Variants in TTLL5 observed in about 807,000 individuals in gnomAD.
TTLL5 encodes tubulin polyglutamylase TTLL5.
Under a neutral mutation model 168.4 loss-of-function variants are expected in TTLL5, and 132 were observed. That is an observed-to-expected ratio of 0.78 (90% CI 0.68 to 0.91). TTLL5 has a LOEUF of 0.91. Ranked by LOEUF, TTLL5 falls within the 40% of genes least tolerant of loss-of-function variation. The probability of loss-of-function intolerance (pLI) is 0.00; values close to 1 mark genes in which losing one functional copy is unlikely to be tolerated. For missense variants in TTLL5, 1,545 were observed against 1,581.5 expected (o/e 0.98, Z 0.39); for synonymous variants, 546 against 558.6 (o/e 0.98, Z 0.32).
At chr14:75,915,805 TCA>T (rs964364013) in intron 31 of TTLL5, among the ~76,000 whole-genome samples, 6 of 151,856 alleles carry the variant, frequency 4.0e-5, no homozygotes, top group African/African-American at 1.5e-4. Flanking sequence ...AGATACCACC[TCA>T]CACCTTTAGG....
intron 31 of TTLL5, among the ~76,000 whole-genome samples, chr14:75,936,643 AAG>A (rs2034442157): frequency 6.6e-6 from 1 of 152,132 alleles, no homozygotes; most frequent in Non-Finnish European, 1.5e-5. Flanking sequence ...ATAACTCCCT[AAG>A]AAGGACTGGG....
intron 18 of TTLL5, 59 bp from the exon 19 acceptor site, chr14:75,764,556 C>T (rs1001871218): frequency 1.3e-6 from 2 of 1,594,682 alleles, no homozygotes; most frequent in African/African-American, 2.7e-5. Context: ...GAAGCTTAGC[C>T]TTGGAATGAA....
chr14:75,853,009 C>T (rs768674492), intron 28 of TTLL5, among the ~76,000 whole-genome samples: 1 of 152,152 alleles, frequency 6.6e-6, no homozygotes, highest in African/African-American at 2.4e-5. Context: ...ATTCATTGAA[C>T]GCATTTCATA....
rs1279403996 is a variant in TTLL5 at position 75,932,081 on chromosome 14, T to C, written c.3824-22343T>C. On this transcript the variant is annotated intron_variant, in intron 31 of 31. Coordinates refer to ENST00000298832, the MANE Select transcript of TTLL5 (RefSeq NM_015072.5). ...TAAGGTTTAGCATTCACTGAATAAG[T>C]GGCTGTACAGTGGTAAGATCAGCTA... Among the ~76,000 whole-genome samples, 5 of 152,254 alleles carry C rather than the reference T, an allele frequency of 3.3e-5. No homozygotes were observed. In the East Asian group the frequency reaches 9.6e-4, roughly 29 times the overall value.
intron 2 of TTLL5, among the ~76,000 whole-genome samples, chr14:75,665,434 A>AT (rs1476978918): frequency 6.6e-6 from 1 of 152,196 alleles, no homozygotes; most frequent in African/African-American, 2.4e-5. Flanking sequence ...TGACTGAATG[A>AT]TTATTAGGAG....
chr14:75,726,181 T>C (rs933110872), intron 12 of TTLL5, among the ~76,000 whole-genome samples: 2 of 152,230 alleles, frequency 1.3e-5, no homozygotes, highest in Non-Finnish European at 2.9e-5. Context: ...ATTATTATTT[T>C]CTTGAGAAAA....
intron 17 of TTLL5, among the ~76,000 whole-genome samples, chr14:75,748,087 C>T (rs1487124622): frequency 6.6e-6 from 1 of 152,150 alleles, no homozygotes; most frequent in Non-Finnish European, 1.5e-5. Flanking sequence ...GGCAGTTGTA[C>T]TTCGTGTATT....
rs1440268069 is a variant in TTLL5 at position 75,720,545 on chromosome 14, A to G, written c.935-51A>G. On this transcript the variant is annotated intron_variant, in intron 11 of 31. Coordinates refer to ENST00000298832, the MANE Select transcript of TTLL5 (RefSeq NM_015072.5). ...TATTGTTATCTGGAATCCAGTTCATAATCCATGTATTTTGATATTGAGTCT... is the reference window on the plus strand; with the variant it reads ...TATTGTTATCTGGAATCCAGTTCATGATCCATGTATTTTGATATTGAGTCT... The G allele has an allele frequency of 4.6e-6, 6 of 1,291,144 alleles. No individual in the cohort carries two copies. The South Asian group carries it at 4.8e-5, about 10-fold the overall frequency. The allele number at this position is 1,291,144 out of a possible 1,614,324, so 80.0% of individuals were successfully genotyped here. A position where few individuals can be genotyped will look rare whatever the true frequency, so the allele number is the denominator to read the frequency against.
intron 21 of TTLL5, among the ~76,000 whole-genome samples, chr14:75,772,669 CTTTT>C (rs904209991): frequency 7.3e-6 from 1 of 136,862 alleles, no homozygotes. Context: ...CTTCCATATT[CTTTT>C]TTTTTTTTTT....
chr14:75,743,900 A>G (rs1889436979), intron 15 of TTLL5, among the ~76,000 whole-genome samples: 1 of 151,968 alleles, frequency 6.6e-6, no homozygotes, highest in Non-Finnish European at 1.5e-5. Context: ...TCTTATAAGG[A>G]CACTAATCCC....
At chr14:75,813,194 C>CTGTGTG (rs61154954) in intron 27 of TTLL5, among the ~76,000 whole-genome samples, 2,454 of 142,494 alleles carry the variant, frequency 0.017, 66 homozygotes, top group African/African-American at 0.054. Flanking sequence ...CTGGAACAAG[C>CTGTGTG]TGTGTGTGTG....
intron 31 of TTLL5, among the ~76,000 whole-genome samples, chr14:75,919,018 TG>T (rs1307593375): frequency 6.6e-6 from 1 of 151,328 alleles, no homozygotes; most frequent in Non-Finnish European, 1.5e-5. Flanking sequence ...CTAGCCAACA[TG>T]GTGAAACCCT....
chr14:75,813,941 A>G (rs1249200690), intron 27 of TTLL5, among the ~76,000 whole-genome samples: 1 of 152,118 alleles, frequency 6.6e-6, no homozygotes, highest in African/African-American at 2.4e-5. Flanking sequence ...AATAGCACAG[A>G]CACTAGTTAT....
At chr14:75,701,563 G>A (rs1886277685) in intron 7 of TTLL5, among the ~76,000 whole-genome samples, 1 of 152,172 alleles carries the variant, frequency 6.6e-6, no homozygotes, top group African/African-American at 2.4e-5. Context: ...AAATAAAGTG[G>A]GCCATATTGT....
At chr14:75,699,825 G>T (rs1216034445) in intron 7 of TTLL5, among the ~76,000 whole-genome samples, 2 of 151,888 alleles carry the variant, frequency 1.3e-5, no homozygotes, top group African/African-American at 4.8e-5. Flanking sequence ...ATTAAAAGTT[G>T]TCTTAAATTG....
intron 28 of TTLL5, among the ~76,000 whole-genome samples, chr14:75,833,055 C>T (rs1895669108): frequency 6.6e-6 from 1 of 152,174 alleles, no homozygotes; most frequent in Non-Finnish European, 1.5e-5. Flanking sequence ...CAGCTCTGCC[C>T]ATCAGGAACA....
chr14:75,857,642 CTTT>C (rs371117692), intron 28 of TTLL5, among the ~76,000 whole-genome samples: 4 of 132,566 alleles, frequency 3.0e-5, no homozygotes, highest in Non-Finnish European at 1.6e-5. Flanking sequence ...TGATAGAATT[CTTT>C]TTTTTTTTTT....
At chr14:75,742,258 CTT>C (rs989881506) in intron 15 of TTLL5, among the ~76,000 whole-genome samples, 3 of 152,134 alleles carry the variant, frequency 2.0e-5, no homozygotes, top group African/African-American at 7.2e-5. Flanking sequence ...CTTACTCTCT[CTT>C]TACGTAATTT....
intron 28 of TTLL5, among the ~76,000 whole-genome samples, chr14:75,834,745 C>A (rs1465646198): frequency 6.6e-6 from 1 of 152,120 alleles, no homozygotes; most frequent in Non-Finnish European, 1.5e-5. Flanking sequence ...ACAAGAACCA[C>A]AATTCAGCAT....
Sources: gnomAD v4.1 joint callset for allele counts (sites outside exome capture counted in the v4.1 genomes callset) on GRCh38, gnomAD v4.1.1 for gene constraint, MANE v1.5 for transcripts, NCBI Gene and HGNC (gene_info 2026-07-23, HGNC 2026-07-21) for gene names.